Variants in ADCY2 observed in about 807,000 individuals in gnomAD.
ADCY2 encodes adenylate cyclase type 2.
A neutral mutation model predicts 125.2 loss-of-function variants in ADCY2; 31 were observed. The ratio of observed to expected loss-of-function variants is 0.25; its 90% CI spans 0.19 to 0.33. ADCY2 has a LOEUF of 0.33. ADCY2 is among the 10% of genes least tolerant of loss of function. The pLI is 1.00. For synonymous variants in ADCY2, 512 were observed against 548.4 expected (o/e 0.93, Z 0.93); for missense variants, 904 against 1,418.2 (o/e 0.64, Z 5.82).
At chr5:7,793,662 T>G (rs566090638) in intron 20 of ADCY2, 1 of 152,214 alleles carries the variant, frequency 6.6e-6, no homozygotes, top group Non-Finnish European at 1.5e-5. Context: ...AATGGGAACA[T>G]TTAGATGAAG....
intron 2 of ADCY2, among the ~76,000 whole-genome samples, chr5:7,463,268 G>A (rs763193470): frequency 6.6e-6 from 1 of 151,960 alleles, no homozygotes; most frequent in Non-Finnish European, 1.5e-5. Context: ...TTGTGTCTCT[G>A]CTAACACTGC....
intron 19 of ADCY2, among the ~76,000 whole-genome samples, chr5:7,786,732 C>T (rs1744096194): frequency 6.6e-6 from 1 of 152,152 alleles, no homozygotes; most frequent in Non-Finnish European, 1.5e-5. Context: ...AGGTGGGATA[C>T]ATTTATACTA....
chr5:7,592,606 G>A (rs1307015213), intron 3 of ADCY2, among the ~76,000 whole-genome samples: 2 of 152,070 alleles, frequency 1.3e-5, no homozygotes, highest in African/African-American at 2.4e-5. Flanking sequence ...AAAACTATAA[G>A]ATAAGTAAAA....
intron 3 of ADCY2, among the ~76,000 whole-genome samples, chr5:7,606,198 C>G (rs1737369003): frequency 6.6e-6 from 1 of 152,082 alleles, no homozygotes; most frequent in Admixed American, 6.5e-5. Context: ...ATTTATCAAG[C>G]CAGACACTTA....
chr5:7,689,581 C>T (rs143893932), intron 4 of ADCY2, among the ~76,000 whole-genome samples: 494 of 152,220 alleles, frequency 3.2e-3, no homozygotes, highest in African/African-American at 0.011. Flanking sequence ...CCACCCTCAG[C>T]TCTCTCAGCA....
chr5:7,536,393 G>A (rs939584597), intron 3 of ADCY2, among the ~76,000 whole-genome samples: 3 of 152,116 alleles, frequency 2.0e-5, no homozygotes, highest in East Asian at 1.9e-4. Flanking sequence ...AACAAGAGGC[G>A]ACTTGAAACT....
rs145024898 is a variant in ADCY2 at position 7,737,539 on chromosome 5, G to A, written c.1872-6129G>A. Among the ~76,000 whole-genome samples, 334 of 152,170 alleles carry A rather than the reference G, an allele frequency of 2.2e-3. 3 individuals carry two copies. Among genetic ancestry groups the A allele is most frequent in the African/African-American group, 7.6e-3 (316 of 41,500 alleles). ...TTCCAGTCTCCCACCAGTTCTCATCGGCCAAACTAGCTAGAGACATTTGAC... is the reference window on the plus strand; with the variant it reads ...TTCCAGTCTCCCACCAGTTCTCATCAGCCAAACTAGCTAGAGACATTTGAC... On this transcript the variant is annotated intron_variant, in intron 14 of 24. Coordinates refer to ENST00000338316, the MANE Select transcript of ADCY2 (RefSeq NM_020546.3).
intron 2 of ADCY2, among the ~76,000 whole-genome samples, chr5:7,487,408 A>G (rs991003752): frequency 2.0e-5 from 3 of 152,132 alleles, no homozygotes; most frequent in Non-Finnish European, 1.5e-5. Flanking sequence ...TTTTCCTTTT[A>G]TGGGCCTCAT....
intron 9 of ADCY2, among the ~76,000 whole-genome samples, chr5:7,708,782 G>A (rs144318732): frequency 4.3e-4 from 66 of 152,092 alleles, no homozygotes; most frequent in African/African-American, 1.3e-3. Flanking sequence ...GATGGACGGG[G>A]GAAGGCTCAA....
At chr5:7,625,941 A>G (rs956265725) in intron 3 of ADCY2, among the ~76,000 whole-genome samples, 1 of 152,246 alleles carries the variant, frequency 6.6e-6, no homozygotes, top group Non-Finnish European at 1.5e-5. Flanking sequence ...CAAGGGAGGG[A>G]CTGCAAAGTC....
intron 23 of ADCY2, among the ~76,000 whole-genome samples, chr5:7,818,342 T>C (rs1299987340): frequency 6.8e-6 from 1 of 147,022 alleles, no homozygotes; most frequent in Non-Finnish European, 1.5e-5. Context: ...CATATTTTTC[T>C]TTTTCTTTTT....
At chr5:7,402,860 G>C (rs1203307058) in intron 1 of ADCY2, among the ~76,000 whole-genome samples, 1 of 152,128 alleles carries the variant, frequency 6.6e-6, no homozygotes, top group African/African-American at 2.4e-5. Context: ...TATTTTCTGG[G>C]AGAGTCCCGT....
chr5:7,755,334 C>T (rs1039734196), intron 15 of ADCY2, among the ~76,000 whole-genome samples: 1 of 151,988 alleles, frequency 6.6e-6, no homozygotes, highest in African/African-American at 2.4e-5. Context: ...CCTGGTCCTG[C>T]GTCTCCCTCA....
At chr5:7,771,328 G>A (rs895475435) in intron 17 of ADCY2, among the ~76,000 whole-genome samples, 8 of 152,180 alleles carry the variant, frequency 5.3e-5, no homozygotes, top group Non-Finnish European at 7.3e-5. Context: ...GGCATGAGAG[G>A]CAGAAGAGTG....
At chr5:7,607,181 T>C (rs1402793561) in intron 3 of ADCY2, among the ~76,000 whole-genome samples, 3 of 152,234 alleles carry the variant, frequency 2.0e-5, no homozygotes, top group African/African-American at 7.2e-5. Flanking sequence ...CCTGATGTAG[T>C]GGAAGGATGA....
At chr5:7,637,452 GAGA>G (rs1234407486) in intron 4 of ADCY2, among the ~76,000 whole-genome samples, 52 of 132,226 alleles carry the variant, frequency 3.9e-4, no homozygotes, top group African/African-American at 9.4e-4. Context: ...AAAAAAAAAA[GAGA>G]AGAAGAAGAA....
intron 2 of ADCY2, among the ~76,000 whole-genome samples, chr5:7,485,025 A>G (rs1157978698): frequency 6.6e-6 from 1 of 152,186 alleles, no homozygotes. Flanking sequence ...AGAGGAGAGT[A>G]CAGGTCACAG....
intron 4 of ADCY2, among the ~76,000 whole-genome samples, chr5:7,658,429 GTGTATA>G (rs1195323924): frequency 8.7e-5 from 11 of 127,068 alleles, no homozygotes; most frequent in Middle Eastern, 4.3e-3. Flanking sequence ...GTGTGTGTGT[GTGTATA>G]TATATATATA....
intron 2 of ADCY2, among the ~76,000 whole-genome samples, chr5:7,489,261 C>T (rs1330467078): frequency 1.3e-5 from 2 of 152,126 alleles, no homozygotes; most frequent in Non-Finnish European, 2.9e-5. Context: ...CAGCAGGGCC[C>T]CTAGCACTCC....
Sources: gnomAD v4.1 joint callset for allele counts (sites outside exome capture counted in the v4.1 genomes callset) on GRCh38, gnomAD v4.1.1 for gene constraint, MANE v1.5 for transcripts, NCBI Gene and HGNC (gene_info 2026-07-23, HGNC 2026-07-21) for gene names.